CNTN6: variants seen among roughly 807,000 people sequenced by gnomAD.
The protein encoded by CNTN6 is contactin 6, also known as contactin-6.
CNTN6 carries 137 observed loss-of-function variants against 122.8 expected under a neutral mutation model. The ratio of observed to expected loss-of-function variants is 1.12; its 90% confidence interval spans 0.97 to 1.29. The LOEUF (loss-of-function observed/expected upper bound fraction) is 1.29, where lower values mean the gene tolerates loss of function less well. Among genes scored for constraint, CNTN6 ranks in the 50% most tolerant of loss-of-function variants. CNTN6 has a pLI of 0.00. For missense variants in CNTN6, 1,634 were observed against 1,223.4 expected (o/e 1.34, Z -5.01); for synonymous variants, 570 against 426.0 (o/e 1.34, Z -4.16).
intron 4 of CNTN6, among the ~76,000 whole-genome samples, chr3:1,272,052 C>T (rs1163319940): frequency 6.6e-6 from 1 of 152,138 alleles, no homozygotes; most frequent in African/African-American, 2.4e-5. Context: ...CTCACAAGAT[C>T]TAATGGTTTT....
intron 5 of CNTN6, among the ~76,000 whole-genome samples, chr3:1,289,890 G>A (rs1398089879): frequency 6.6e-6 from 1 of 152,116 alleles, no homozygotes; most frequent in Non-Finnish European, 1.5e-5. Flanking sequence ...TAGCCAGGAT[G>A]GTCTCGATCT....
At chr3:1,369,109 T>C (rs935790744) in intron 12 of CNTN6, among the ~76,000 whole-genome samples, 4 of 152,236 alleles carry the variant, frequency 2.6e-5, no homozygotes, top group African/African-American at 9.6e-5. Context: ...GTGAACGCTC[T>C]TGCCTGCGCA....
chr3:1,295,795 C>A lies in CNTN6; in HGVS notation c.649C>A (p.Arg217Ser). Residue 217 changes from arginine to serine, a missense_variant, in exon 6 of 23, where the codon CGC becomes AGC. Transcript: ENST00000446702. ...AGGTCCACCCACTCCATTAGTGCAG[C>A]GCACTGATGGTAAGATAATGAGTTA... ...VQGPPTPLVQ[R>S]TDGVMGEYEP... is the part of the protein sequence containing the mutation. 1 of 1,610,758 alleles carries A rather than the reference C, an allele frequency of 6.2e-7. No homozygotes were observed.
At chr3:1,162,400 G>A (rs2093156106) in intron 2 of CNTN6, among the ~76,000 whole-genome samples, 2 of 145,416 alleles carry the variant, frequency 1.4e-5, no homozygotes, top group South Asian at 4.3e-4. Context: ...TCAGAAGGGA[G>A]GGGAAAAAAA....
rs559809706 is a variant in CNTN6, at chr3:1,147,201, T to C, written c.-82-726T>C. 3.5e-4 allele frequency among the ~76,000 whole-genome samples: 53 copies of C among 152,236 alleles called. 1 individual carries two copies. The South Asian group carries it at 0.011, about 30-fold the overall frequency. On this transcript the variant is annotated intron_variant, in intron 1 of 22. Transcript: ENST00000446702. ...TTCCAAAGGATCTTATCACTTGATA[T>C]ATAATAGTTTTATCAAATGTAACCT...
intron 1 of CNTN6, among the ~76,000 whole-genome samples, chr3:1,103,063 G>A (rs888114215): frequency 1.3e-4 from 20 of 151,818 alleles, no homozygotes; most frequent in East Asian, 1.9e-4. Flanking sequence ...CCAAGATGGC[G>A]CCACCGCACT....
chr3:1,246,045 A>T (rs888261801), intron 4 of CNTN6, among the ~76,000 whole-genome samples: 10 of 152,186 alleles, frequency 6.6e-5, no homozygotes, highest in Non-Finnish European at 1.2e-4. Flanking sequence ...GTTTTAAGGT[A>T]TTAATTTATG....
At chr3:1,304,659 C>T (rs1167455001) in intron 7 of CNTN6, among the ~76,000 whole-genome samples, 1 of 151,988 alleles carries the variant, frequency 6.6e-6, no homozygotes, top group African/African-American at 2.4e-5. Context: ...TCTATAATAA[C>T]TAATATTCCA....
chr3:1,327,448 C>G lies in CNTN6; in HGVS notation c.1084-9C>G. The stretch of plus-strand genomic sequence containing the variant: ...TACAAGCATCTTTATATGCCTTTTC[C>G]TTTATTAGGAGAGAATTCAAATAGA... On this transcript the variant is annotated splice_polypyrimidine_tract_variant and intron_variant, in intron 9 of 22. Coordinates refer to ENST00000446702, the MANE Select transcript of CNTN6 (RefSeq NM_001289080.2). The G allele has an allele frequency of 1.9e-6, 3 of 1,608,562 alleles. No homozygotes were observed. Among genetic ancestry groups the G allele is most frequent in the East Asian group, 2.2e-5 (1 of 44,552 alleles).
intron 1 of CNTN6, among the ~76,000 whole-genome samples, chr3:1,136,537 C>T (rs2092479560): frequency 6.6e-6 from 1 of 152,126 alleles, no homozygotes; most frequent in African/African-American, 2.4e-5. Context: ...CCTTATTTAG[C>T]CTTGCATTTT....
At chr3:1,232,688 A>C (rs1009223472) in intron 4 of CNTN6, among the ~76,000 whole-genome samples, 2 of 152,192 alleles carry the variant, frequency 1.3e-5, no homozygotes, top group Admixed American at 1.3e-4. Flanking sequence ...AGACAGAGTG[A>C]AGAGTCCTAC....
intron 2 of CNTN6, among the ~76,000 whole-genome samples, chr3:1,156,857 A>C (rs996409044): frequency 3.3e-5 from 5 of 151,934 alleles, no homozygotes; most frequent in Admixed American, 3.3e-4. Flanking sequence ...AGCTGGGACT[A>C]TAAGCATGCA....
intron 2 of CNTN6, among the ~76,000 whole-genome samples, chr3:1,211,841 C>A (rs17035606): frequency 0.18 from 26,965 of 152,022 alleles, 3,538 homozygotes; most frequent in African/African-American, 0.37. Flanking sequence ...AACACCAGAG[C>A]CCAAGAAGAA....
chr3:1,108,600 T>C (rs1273193970), intron 1 of CNTN6, among the ~76,000 whole-genome samples: 2 of 152,076 alleles, frequency 1.3e-5, no homozygotes, highest in Admixed American at 1.3e-4. Context: ...GAATTAAGTT[T>C]GTATTAATTA....
intron 9 of CNTN6, among the ~76,000 whole-genome samples, chr3:1,326,838 G>A (rs1701610714): frequency 6.6e-6 from 1 of 151,796 alleles, no homozygotes; most frequent in Non-Finnish European, 1.5e-5. Context: ...CCTAGAGGAT[G>A]GTAATACATG....
At chr3:1,201,954 G>T (rs1299564158) in intron 2 of CNTN6, among the ~76,000 whole-genome samples, 5 of 152,136 alleles carry the variant, frequency 3.3e-5, no homozygotes, top group African/African-American at 1.2e-4. Flanking sequence ...ATTTTGTAAT[G>T]TAATAATTGG....
intron 12 of CNTN6, among the ~76,000 whole-genome samples, chr3:1,367,769 A>C (rs1400432435): frequency 4.6e-5 from 7 of 152,110 alleles, no homozygotes; most frequent in Non-Finnish European, 1.5e-5. Flanking sequence ...GCATGGGCAC[A>C]TCAGAACCTG....
intron 1 of CNTN6, among the ~76,000 whole-genome samples, chr3:1,146,208 C>A (rs925198449): frequency 6.6e-6 from 1 of 152,086 alleles, no homozygotes; most frequent in African/African-American, 2.4e-5. Flanking sequence ...GAAAGTACAG[C>A]ATTCATATGC....
chr3:1,293,281 C>G (rs1251964849), intron 5 of CNTN6, among the ~76,000 whole-genome samples: 2 of 151,068 alleles, frequency 1.3e-5, no homozygotes, highest in African/African-American at 2.4e-5. Context: ...TTCTTCCTTC[C>G]TAAAATCTCA....
Sources: gnomAD v4.1 joint callset for allele counts (sites outside exome capture counted in the v4.1 genomes callset) on GRCh38, gnomAD v4.1.1 for gene constraint, MANE v1.5 for transcripts, NCBI Gene and HGNC (gene_info 2026-07-23, HGNC 2026-07-21) for gene names.